Variants in TTLL5 observed in about 807,000 individuals in gnomAD.
The protein encoded by TTLL5 is tubulin tyrosine ligase like 5.
Under a neutral mutation model 168.4 loss-of-function variants are expected in TTLL5, and 132 were observed. That is an observed-to-expected ratio of 0.78 (90% CI 0.68 to 0.91). TTLL5 has a LOEUF of 0.91. Among genes scored for constraint, TTLL5 ranks in the 40% least tolerant of loss-of-function variants. The pLI, the probability that TTLL5 is intolerant of heterozygous loss-of-function variation, is 0.00. For missense variants in TTLL5, 1,545 were observed against 1,581.5 expected, an observed-to-expected ratio of 0.98 and a Z score of 0.39; for synonymous variants, 546 against 558.6, an observed-to-expected ratio of 0.98 and a Z score of 0.32.
chr14:75,952,971 T>TA (rs2035009013), intron 31 of TTLL5, among the ~76,000 whole-genome samples: 1 of 152,170 alleles, frequency 6.6e-6, no homozygotes, highest in South Asian at 2.1e-4. Context: ...TATAATATAC[T>TA]AAAAGCTATT....
chr14:75,707,517 T>C, intron 8 of TTLL5, 106 bp from the exon 9 acceptor site: 1 of 858,264 alleles, frequency 1.2e-6, no homozygotes, highest in South Asian at 1.7e-5. Context: ...TCATGTGGAG[T>C]GTAGGAATGT....
intron 23 of TTLL5, 141 bp downstream of exon 23, chr14:75,776,991 A>C (rs1358549552): frequency 3.0e-5 from 20 of 657,920 alleles, no homozygotes; most frequent in African/African-American, 1.8e-5. Flanking sequence ...ACACCCCTTT[A>C]GTTCTAGTTA....
At chr14:75,911,146 G>A (rs893969199) in intron 31 of TTLL5, among the ~76,000 whole-genome samples, 1 of 152,074 alleles carries the variant, frequency 6.6e-6, no homozygotes, top group Non-Finnish European at 1.5e-5. Context: ...TCGAGCCTTC[G>A]CCTCCCGAGT....
At chr14:75,777,954 G>A (rs1184717333) in intron 23 of TTLL5, among the ~76,000 whole-genome samples, 2 of 149,378 alleles carry the variant, frequency 1.3e-5, no homozygotes, top group South Asian at 2.1e-4. Flanking sequence ...TCTCATCAAC[G>A]TTATAAAAAC....
chr14:75,935,759 A>G (rs1439692505), intron 31 of TTLL5, among the ~76,000 whole-genome samples: 1 of 152,244 alleles, frequency 6.6e-6, no homozygotes, highest in Non-Finnish European at 1.5e-5. Context: ...ATATGTTTGT[A>G]TGTGCATAGA....
chr14:75,887,320 A>G (rs2032172574), intron 30 of TTLL5: 1 of 985,242 alleles, frequency 1.0e-6, no homozygotes, highest in South Asian at 4.7e-5. Context: ...TCTTTTTAAC[A>G]TATGAGTCAT....
chr14:75,778,225 G>A (rs1566600143), intron 23 of TTLL5, among the ~76,000 whole-genome samples: 1 of 152,156 alleles, frequency 6.6e-6, no homozygotes, highest in Non-Finnish European at 1.5e-5. Flanking sequence ...ACTTCTGATT[G>A]GGGATTAGGT....
intron 23 of TTLL5, among the ~76,000 whole-genome samples, chr14:75,778,745 A>G (rs1020139410): frequency 6.6e-6 from 1 of 151,924 alleles, no homozygotes; most frequent in African/African-American, 2.4e-5. Context: ...TACAGATGTT[A>G]AAGTCCATGT....
chr14:75,863,913 A>G (rs745720830), intron 29 of TTLL5, 51 bp downstream of exon 29: 1 of 1,090,842 alleles, frequency 9.2e-7, no homozygotes, highest in Non-Finnish European at 1.2e-6. Flanking sequence ...GCTGTTGGTA[A>G]AAAAAAAAAA....
intron 21 of TTLL5, among the ~76,000 whole-genome samples, chr14:75,773,923 TATATAGAGAGAGAGAGAG>T (rs1360548293): frequency 2.5e-4 from 7 of 27,730 alleles, no homozygotes; most frequent in Non-Finnish European, 3.4e-4. Flanking sequence ...TATATATATA[TATATAGAGAGAGAGAGAG>T]AGAGAGAGAG....
intron 8 of TTLL5, 28 bp from the exon 9 acceptor site, chr14:75,707,595 T>C: frequency 6.3e-7 from 1 of 1,599,396 alleles, no homozygotes. Flanking sequence ...TTAGTTTTTT[T>C]TTGTGAATAC....
chr14:75,720,739 A>AGAG, intron 12 of TTLL5, 36 bp downstream of exon 12: 1 of 1,570,948 alleles, frequency 6.4e-7, no homozygotes, highest in Non-Finnish European at 8.8e-7. Flanking sequence ...TGTTTTGTGA[A>AGAG]GAGGATCTTG....
intron 15 of TTLL5, among the ~76,000 whole-genome samples, chr14:75,740,486 GT>G (rs913981404): frequency 1.3e-5 from 2 of 152,058 alleles, no homozygotes; most frequent in African/African-American, 4.8e-5. Context: ...ATTATAAGTG[GT>G]TTGGGTAAGT....
intron 31 of TTLL5, among the ~76,000 whole-genome samples, chr14:75,952,943 C>T (rs533115526): frequency 9.9e-5 from 15 of 152,140 alleles, no homozygotes; most frequent in South Asian, 8.3e-4. Flanking sequence ...ACTATGATGA[C>T]GGATGCACAA....
intron 18 of TTLL5, among the ~76,000 whole-genome samples, chr14:75,760,768 G>A (rs1432940442): frequency 2.0e-5 from 3 of 152,048 alleles, no homozygotes; most frequent in Admixed American, 6.5e-5. Flanking sequence ...AGAAATTAGA[G>A]ATGATTCATA....
intron 13 of TTLL5, among the ~76,000 whole-genome samples, chr14:75,733,788 A>C (rs943301280): frequency 6.6e-6 from 1 of 152,214 alleles, no homozygotes; most frequent in Middle Eastern, 3.2e-3. Flanking sequence ...TGCATTACAG[A>C]GGACGAATTT....
intron 12 of TTLL5, among the ~76,000 whole-genome samples, chr14:75,726,469 C>T (rs1888189952): frequency 6.6e-6 from 1 of 152,096 alleles, no homozygotes; most frequent in South Asian, 2.1e-4. Flanking sequence ...GTGCAGGCTA[C>T]TTGTAATACA....
intron 3 of TTLL5, 93 bp downstream of exon 3, chr14:75,669,615 G>A (rs879339668): frequency 3.0e-6 from 3 of 994,724 alleles, no homozygotes; most frequent in Non-Finnish European, 4.2e-6. Flanking sequence ...ATAGGGAAAG[G>A]GCCTTGGCCA....
At chr14:75,853,790 T>A (rs1166964383) in intron 28 of TTLL5, among the ~76,000 whole-genome samples, 1 of 152,216 alleles carries the variant, frequency 6.6e-6, no homozygotes, top group Admixed American at 6.5e-5. Context: ...ACGCCTGTAA[T>A]CCCAGCACTT....
Sources: gnomAD v4.1 joint callset for allele counts (sites outside exome capture counted in the v4.1 genomes callset) on GRCh38, gnomAD v4.1.1 for gene constraint, MANE v1.5 for transcripts, NCBI Gene and HGNC (gene_info 2026-07-23, HGNC 2026-07-21) for gene names.